NUP62: variants seen among roughly 807,000 people sequenced by gnomAD.
NUP62 encodes the protein nucleoporin 62.
For missense variants in NUP62, 647 were observed against 689.4 expected, an observed-to-expected ratio of 0.94 and a Z score of 0.69; for synonymous variants, 305 against 303.4, an observed-to-expected ratio of 1.01 and a Z score of -0.05.
intron 2 of NUP62, chr19:49,911,245 G>T (rs189849823): frequency 1.3e-5 from 2 of 152,358 alleles, no homozygotes; most frequent in East Asian, 1.9e-4. Flanking sequence ...GAGAAGGGAA[G>T]AAAGCTTGTG....
At chr19:49,924,375 G>A (rs143276100) in intron 2 of NUP62, among the ~76,000 whole-genome samples, 247 of 152,188 alleles carry the variant, frequency 1.6e-3, no homozygotes, top group Admixed American at 7.0e-3. Context: ...CTTGCTGTGC[G>A]GGGGTTCTCC....
chr19:49,908,716 C>T lies in NUP62; in HGVS notation c.1092G>A (p.Thr364=), dbSNP rs762609312. 3.7e-6 allele frequency: 6 copies of T among 1,612,786 alleles called. No homozygotes were observed. Among genetic ancestry groups the T allele is most frequent in the Non-Finnish European group, 5.1e-6 (6 of 1,180,050 alleles). ...TGATCTTTTCTCCATTCTCGATCAG[C>T]GTGCGGTCCCAGGCGTTGACCTGGG... The part of the protein sequence containing the change: ...QATQVNAWDR[T]LIENGEKITS... The change falls in exon 3 of 3, where the codon ACG becomes ACA. Residue 364 remains threonine, a synonymous_variant. Coordinates refer to ENST00000352066, the MANE Select transcript of NUP62 (RefSeq NM_016553.5).
intron 2 of NUP62, among the ~76,000 whole-genome samples, chr19:49,924,975 C>T (rs1429343078): frequency 6.6e-6 from 1 of 152,162 alleles, no homozygotes; most frequent in Admixed American, 6.5e-5. Context: ...AAATTACCCA[C>T]ACCGGGCCAG....
At chr19:49,923,191 C>G (rs1330962166) in intron 2 of NUP62, among the ~76,000 whole-genome samples, 1 of 152,154 alleles carries the variant, frequency 6.6e-6, no homozygotes, top group East Asian at 1.9e-4. Flanking sequence ...TGTCTCCCAG[C>G]CCCCGCGTCA....
In NUP62 at chr19:49,908,843, G is replaced by A. The variant is rs750595555; in HGVS notation, c.965C>T (p.Ala322Val). 3.0e-5 allele frequency: 49 copies of A among 1,612,404 alleles called. No homozygotes were observed. Among genetic ancestry groups the A allele is most frequent in the African/African-American group, 2.8e-4 (21 of 74,948 alleles). The stretch of plus-strand genomic sequence containing the variant: ...GTAGGTCATGGCGGAGCTGGCAGCC[G>A]CCCCTGCAGCTGCGCCAGGGCCAGG... ...APPGPGAAAG[A>V]AASSAMTYAQ... The change falls in exon 3 of 3, where the codon GCG becomes GTG. Residue 322 changes from alanine to valine, a missense_variant. By Grantham distance (64) the Ala-to-Val change is moderately conservative. Coordinates refer to ENST00000352066, the MANE Select transcript of NUP62 (RefSeq NM_016553.5).
chr19:49,925,694 A>C (rs1392958644), intron 2 of NUP62, among the ~76,000 whole-genome samples: 1 of 152,222 alleles, frequency 6.6e-6, no homozygotes, highest in Admixed American at 6.5e-5. Flanking sequence ...AAGGGCATTA[A>C]GTAACAACTA....
intron 2 of NUP62, among the ~76,000 whole-genome samples, chr19:49,920,132 G>C (rs2075729895): frequency 1.3e-5 from 2 of 152,040 alleles, no homozygotes; most frequent in Admixed American, 1.3e-4. Flanking sequence ...CATCAGGCTG[G>C]AGTGCAGTGG....
chr19:49,909,868 C>T lies in NUP62; in HGVS notation c.-61G>A. 6.4e-7 allele frequency: 1 copy of T among 1,557,496 alleles called. No homozygotes were observed. Among genetic ancestry groups the T allele is most frequent in the Non-Finnish European group, 8.8e-7 (1 of 1,132,676 alleles). ...CCCAAAGCAAATCCGTCGGTGTCTG[C>T]AGCCTTGGGAAGATTTCTAAAGCAG... On this transcript the variant is annotated 5_prime_UTR_variant, in exon 3 of 3. Transcript: ENST00000352066.
intron 2 of NUP62, among the ~76,000 whole-genome samples, chr19:49,922,837 C>T (rs982725974): frequency 2.0e-5 from 3 of 152,142 alleles, no homozygotes; most frequent in Non-Finnish European, 4.4e-5. Flanking sequence ...GCCACCCCTC[C>T]CTCTGGGCCT....
chr19:49,908,651 T>A lies in NUP62; in HGVS notation c.1157A>T (p.Gln386Leu). ...HREVEKVKLD[Q>L]KRLDQELDFI... ...GTCGAGCTCCTGGTCCAGCCTCTTC[T>A]GGTCCAGCTTCACCTTCTCCACCTC... The change falls in exon 3 of 3, where the codon CAG (glutamine) becomes CTG (leucine). Residue 386 changes from glutamine (Q) to leucine (L), a missense_variant. Physicochemically the swap from Gln to Leu is moderately radical, Grantham distance 113. Coordinates refer to ENST00000352066, the MANE Select transcript of NUP62 (RefSeq NM_016553.5). The A allele has an allele frequency of 6.2e-7, 1 of 1,612,788 alleles. No individual in the cohort carries two copies. Among genetic ancestry groups the A allele is most frequent in the Non-Finnish European group, 8.5e-7 (1 of 1,180,042 alleles).
intron 1 of NUP62, chr19:49,928,819 G>C (rs1253202009): frequency 6.6e-6 from 1 of 152,316 alleles, no homozygotes; most frequent in Non-Finnish European, 1.5e-5. Context: ...AGCAAGGAAA[G>C]GGAAAGAGAA....
At chr19:49,922,637 C>T (rs1278695716) in intron 2 of NUP62, among the ~76,000 whole-genome samples, 1 of 151,996 alleles carries the variant, frequency 6.6e-6, no homozygotes, top group Non-Finnish European at 1.5e-5. Flanking sequence ...TGAGTCCTGT[C>T]CACACTGGTG....
chr19:49,914,726 G>GTTTT (rs530372497), intron 2 of NUP62, among the ~76,000 whole-genome samples: 9,724 of 56,096 alleles, frequency 0.17, 3,000 homozygotes, highest in Non-Finnish European at 0.21. Flanking sequence ...CCAAGTCCCA[G>GTTTT]TTTTTTTTTT....
At chr19:49,927,219 G>A (rs530837911) in intron 2 of NUP62, among the ~76,000 whole-genome samples, 4 of 152,054 alleles carry the variant, frequency 2.6e-5, no homozygotes, top group Non-Finnish European at 4.4e-5. Context: ...GCACAGGGAA[G>A]GGAAATGGCC....
chr19:49,922,531 A>G (rs2075790516), intron 2 of NUP62, among the ~76,000 whole-genome samples: 1 of 151,672 alleles, frequency 6.6e-6, no homozygotes, highest in Admixed American at 6.6e-5. Context: ...CAATCCTCGG[A>G]GACTCTTGGA....
At chr19:49,920,228 G>A (rs977075762) in intron 2 of NUP62, among the ~76,000 whole-genome samples, 5 of 152,172 alleles carry the variant, frequency 3.3e-5, no homozygotes, top group Admixed American at 6.5e-5. Flanking sequence ...GACTACAGGC[G>A]CGTGCCACCA....
chr19:49,920,066 CAT>C lies in NUP62; in HGVS notation c.-78+7626_-78+7627del, dbSNP rs201638406. On this transcript the variant is annotated intron_variant, in intron 2 of 2. Transcript: ENST00000352066. ...AGCCTCCCTAATAGCTGGGATTACACATGTGTGCCACCACACCAGCTAATTTT... is the reference window on the plus strand; with the variant it reads ...AGCCTCCCTAATAGCTGGGATTACACGTGTGCCACCACACCAGCTAATTTT... Among the ~76,000 whole-genome samples the C allele has an allele frequency of 8.7e-3, 1,318 of 152,120 alleles. 18 individuals are homozygous for C. The highest frequency in any genetic ancestry group is 0.03 in the African/African-American group (1,245 of 41,470).
chr19:49,909,470 C>T lies in NUP62; in HGVS notation c.338G>A (p.Gly113Asp). 1 of 1,614,160 alleles carries T rather than the reference C, an allele frequency of 6.2e-7. No individual in the cohort carries two copies. The highest frequency in any genetic ancestry group is 1.7e-5 in the Admixed American group (1 of 60,010). Residue 113 changes from glycine (G) to aspartate (D), a missense_variant, in exon 3 of 3, where the codon GGC (glycine) becomes GAC (aspartate). By Grantham distance (94) the Gly-to-Asp change is moderately conservative. Transcript: ENST00000352066. ...AATPAMANPS[G>D]FGLGSSNLTN... Reference sequence around the variant, plus strand: ...GAGGTTGCTGCTGCCCAGCCCAAAGCCGCTGGGGTTTGCCATGGCTGGGGT... The same window carrying T: ...GAGGTTGCTGCTGCCCAGCCCAAAGTCGCTGGGGTTTGCCATGGCTGGGGT...
chr19:49,921,115 C>T lies in NUP62; in HGVS notation c.-78+6579G>A, dbSNP rs1430519117. Among the ~76,000 whole-genome samples the T allele has an allele frequency of 6.6e-6, 1 of 152,200 alleles. No individual in the cohort carries two copies. Among genetic ancestry groups the T allele is most frequent in the Non-Finnish European group, 1.5e-5 (1 of 68,038 alleles). On this transcript the variant is annotated intron_variant, in intron 2 of 2. Coordinates refer to ENST00000352066, the MANE Select transcript of NUP62 (RefSeq NM_016553.5). The surrounding 1 kb of genome is among the most constrained non-coding windows in gnomAD (Gnocchi z 5.4). ...CCCACATTTCATGGCATTTCTCACG[C>T]GCTGGGCTGTTTCCAGGGCTTCACC...
Sources: gnomAD v4.1 joint callset for allele counts (sites outside exome capture counted in the v4.1 genomes callset) on GRCh38, gnomAD v4.1.1 for gene constraint, Gnocchi (gnomAD v3.1) non-coding constraint, MANE v1.5 for transcripts, NCBI Gene and HGNC (gene_info 2026-07-23, HGNC 2026-07-21) for gene names.